PRKD1: variants seen among roughly 807,000 people sequenced by gnomAD.
PRKD1 encodes serine/threonine-protein kinase D1.
Under a neutral mutation model 95.9 loss-of-function variants are expected in PRKD1, and 63 were observed. The ratio of observed to expected loss-of-function variants is 0.66; its 90% CI spans 0.54 to 0.81. The LOEUF (loss-of-function observed/expected upper bound fraction) is 0.81. PRKD1 is among the 30% of genes least tolerant of loss of function. PRKD1 has a pLI of 0.00. For synonymous variants in PRKD1, 425 were observed against 423.1 expected (o/e 1.00, Z -0.05); for missense variants, 1,048 against 1,165.3 (o/e 0.90, Z 1.47).
intron 2 of PRKD1, among the ~76,000 whole-genome samples, chr14:29,681,401 A>G (rs1883533929): frequency 6.6e-6 from 1 of 151,850 alleles, no homozygotes; most frequent in African/African-American, 2.4e-5. Flanking sequence ...AAAAAATAGG[A>G]GAAGTTAGAT....
At chr14:29,777,210 TC>T (rs1888804446) in intron 1 of PRKD1, among the ~76,000 whole-genome samples, 1 of 152,168 alleles carries the variant, frequency 6.6e-6, no homozygotes, top group Non-Finnish European at 1.5e-5. Context: ...GTAAAGATCA[TC>T]AATGCTAGGA....
intron 12 of PRKD1, 45 bp from the exon 13 acceptor site, chr14:29,624,303 T>G (rs758205236): frequency 7.1e-7 from 1 of 1,412,138 alleles, no homozygotes. Flanking sequence ...TTAAATATCA[T>G]CTATCTTAAA....
At position 29,672,833 on chromosome 14, in the gene PRKD1, C is replaced by T. The variant is rs971814066; in HGVS notation, c.404-6625G>A. On this transcript the variant is annotated intron_variant, in intron 2 of 17. Coordinates refer to ENST00000331968, the MANE Select transcript of PRKD1 (RefSeq NM_002742.3). ...GATTCCAGACAAGCAGGTAACCAGG[C>T]CTATGTTCTATTATGAAAATTAAGA... 4.6e-5 allele frequency among the ~76,000 whole-genome samples: 7 copies of T among 152,048 alleles called. No individual in the cohort carries two copies. The South Asian group carries it at 1.5e-3, about 32-fold the overall frequency.
chr14:29,891,633 T>G (rs2139413772), intron 1 of PRKD1, among the ~76,000 whole-genome samples: 1 of 152,050 alleles, frequency 6.6e-6, no homozygotes, highest in East Asian at 1.9e-4. Context: ...AATCCACCTT[T>G]ACTACTGGAT....
rs111237768 is a variant in PRKD1, at chr14:29,578,878, G to A, written c.2435-518C>T. 2.0e-5 allele frequency among the ~76,000 whole-genome samples: 3 copies of A among 152,222 alleles called. 1 individual carries two copies. The highest frequency in any genetic ancestry group is 1.9e-4 in the East Asian group (1 of 5,180). On this transcript the variant is annotated intron_variant, in intron 16 of 17. Transcript: ENST00000331968. ...CATCATAACATGGGTCATATCTCAT[G>A]ATAAACTTGGAGCCTGAAAACCAAC...
intron 1 of PRKD1, among the ~76,000 whole-genome samples, chr14:29,756,138 C>T (rs1437215659): frequency 1.3e-5 from 2 of 152,046 alleles, no homozygotes; most frequent in Non-Finnish European, 2.9e-5. Flanking sequence ...CTCAATACCC[C>T]CATTGAGTTT....
intron 13 of PRKD1, among the ~76,000 whole-genome samples, chr14:29,621,977 T>C (rs1350242542): frequency 2.0e-5 from 3 of 152,188 alleles, no homozygotes; most frequent in Non-Finnish European, 2.9e-5. Flanking sequence ...CAAATGTATA[T>C]TTATTGCATC....
intron 2 of PRKD1, among the ~76,000 whole-genome samples, chr14:29,720,509 C>T (rs752594691): frequency 6.6e-5 from 10 of 152,012 alleles, no homozygotes; most frequent in African/African-American, 9.7e-5. Flanking sequence ...AAGCCGAGCA[C>T]GGTGGCTCAC....
chr14:29,694,036 C>T (rs566929250), intron 2 of PRKD1, among the ~76,000 whole-genome samples: 64 of 152,100 alleles, frequency 4.2e-4, no homozygotes, highest in Middle Eastern at 3.4e-3. Flanking sequence ...TCATAGGAAC[C>T]CTCTACCTTC....
intron 1 of PRKD1, among the ~76,000 whole-genome samples, chr14:29,727,637 T>C (rs1204317976): frequency 6.6e-6 from 1 of 151,338 alleles, no homozygotes; most frequent in African/African-American, 2.4e-5. Context: ...CCCAGCACCA[T>C]TTATTAAATA....
intron 4 of PRKD1, among the ~76,000 whole-genome samples, chr14:29,659,038 G>A (rs969621070): frequency 2.0e-5 from 3 of 152,152 alleles, no homozygotes; most frequent in African/African-American, 7.2e-5. Flanking sequence ...ATGGAATAAA[G>A]TAAACACCAT....
At chr14:29,826,641 G>T (rs1891137787) in intron 1 of PRKD1, among the ~76,000 whole-genome samples, 1 of 87,506 alleles carries the variant, frequency 1.1e-5, no homozygotes, top group Admixed American at 1.4e-4. Context: ...ATATGTGTGT[G>T]TGTATATATA....
intron 13 of PRKD1, among the ~76,000 whole-genome samples, chr14:29,605,049 T>A (rs1028140676): frequency 1.3e-5 from 2 of 152,158 alleles, no homozygotes; most frequent in Non-Finnish European, 2.9e-5. Context: ...CTAAAAGTAA[T>A]AGAGCCCACC....
intron 1 of PRKD1, among the ~76,000 whole-genome samples, chr14:29,741,421 T>C (rs1488146799): frequency 6.6e-6 from 1 of 152,226 alleles, no homozygotes; most frequent in Non-Finnish European, 1.5e-5. Context: ...CCTGTTTGTA[T>C]GTTTATTACT....
intron 4 of PRKD1, among the ~76,000 whole-genome samples, chr14:29,639,257 G>A (rs182233671): frequency 1.3e-5 from 2 of 152,252 alleles, no homozygotes; most frequent in African/African-American, 4.8e-5. Context: ...ATTTTTTACA[G>A]GATTACATTC....
At chr14:29,834,249 C>T (rs72660422) in intron 1 of PRKD1, among the ~76,000 whole-genome samples, 57 of 152,140 alleles carry the variant, frequency 3.7e-4, no homozygotes, top group Non-Finnish European at 7.2e-4. Flanking sequence ...ATAAGTTCAT[C>T]CAGGTTGTGA....
chr14:29,879,665 G>C (rs61979984), intron 1 of PRKD1, among the ~76,000 whole-genome samples: 45,286 of 151,984 alleles, frequency 0.3, 6,846 homozygotes, highest in East Asian at 0.35. Context: ...AGTTTGGAGG[G>C]CTCAGAAGAA....
chr14:29,613,560 CA>C (rs1878633537), intron 13 of PRKD1, among the ~76,000 whole-genome samples: 1 of 152,196 alleles, frequency 6.6e-6, no homozygotes, highest in Non-Finnish European at 1.5e-5. Context: ...GAGTGCCTTC[CA>C]GGGGCCAGGC....
intron 17 of PRKD1, among the ~76,000 whole-genome samples, chr14:29,578,014 G>C (rs889411902): frequency 7.9e-5 from 12 of 151,740 alleles, no homozygotes; most frequent in Non-Finnish European, 1.2e-4. Flanking sequence ...ATTTATTTTT[G>C]GTTTTGCCTT....
Sources: allele counts gnomAD v4.1 joint callset (sites outside exome capture counted in the v4.1 genomes callset), GRCh38; gene constraint gnomAD v4.1.1; transcripts MANE v1.5; gene names NCBI Gene and HGNC (gene_info 2026-07-23, HGNC 2026-07-21).